The following SLC5A8 variants were observed in gnomAD, a reference collection of about 807,000 sequenced individuals.
SLC5A8 encodes the protein sodium-coupled monocarboxylate transporter 1.
A neutral mutation model predicts 71.9 loss-of-function variants in SLC5A8; 55 were observed. The ratio of observed to expected loss-of-function variants is 0.77; its 90% CI spans 0.62 to 0.96. SLC5A8 has a LOEUF of 0.96. SLC5A8 is among the 40% of genes least tolerant of loss of function. The pLI is 0.00. For missense variants in SLC5A8, 701 were observed against 745.3 expected, an observed-to-expected ratio of 0.94 and a Z score of 0.69; for synonymous variants, 307 against 276.1, an observed-to-expected ratio of 1.11 and a Z score of -1.11.
intron 10 of SLC5A8, among the ~76,000 whole-genome samples, chr12:101,172,573 G>C (rs963329132): frequency 6.6e-6 from 1 of 152,176 alleles, no homozygotes; most frequent in East Asian, 1.9e-4. Flanking sequence ...AGGGAGAGCA[G>C]AGCCCAGTGT....
intron 10 of SLC5A8, 128 bp downstream of exon 10, chr12:101,179,901 A>T: frequency 1.1e-6 from 1 of 904,638 alleles, no homozygotes; most frequent in Non-Finnish European, 1.8e-6. Flanking sequence ...TAAAAAGTGT[A>T]GTCATCCCTG....
chr12:101,193,852 T>C (rs1318256183), intron 4 of SLC5A8, 73 bp from the exon 5 acceptor site: 1 of 1,432,356 alleles, frequency 7.0e-7, no homozygotes. Flanking sequence ...TTATACACTA[T>C]ACTGGAGAAA....
chr12:101,177,437 C>T (rs1286182720), intron 10 of SLC5A8, among the ~76,000 whole-genome samples: 2 of 123,994 alleles, frequency 1.6e-5, no homozygotes, highest in Non-Finnish European at 3.2e-5. Flanking sequence ...AAACCAAAGG[C>T]AGTATATACA....
chr12:101,186,216 G>T (rs971442219), intron 7 of SLC5A8, among the ~76,000 whole-genome samples: 2 of 110,638 alleles, frequency 1.8e-5, no homozygotes, highest in Admixed American at 8.1e-5. Flanking sequence ...CTTTATTAGA[G>T]GGGATGTAAC....
chr12:101,158,971 C>A (rs1435556326), intron 13 of SLC5A8, among the ~76,000 whole-genome samples: 7 of 142,662 alleles, frequency 4.9e-5, no homozygotes, highest in African/African-American at 1.0e-4. Flanking sequence ...AAAAAAAATT[C>A]TATTTTGCTT....
chr12:101,183,982 G>T, intron 8 of SLC5A8, 152 bp downstream of exon 8: 1 of 684,866 alleles, frequency 1.5e-6, no homozygotes, highest in Non-Finnish European at 2.5e-6. Context: ...ACAGAGATAA[G>T]TCAGACCACA....
At chr12:101,166,422 A>G (rs2051770444) in intron 12 of SLC5A8, 72 bp downstream of exon 12, 2 of 1,337,736 alleles carry the variant, frequency 1.5e-6, no homozygotes, top group South Asian at 2.9e-5. Flanking sequence ...AAGCAAGACA[A>G]AAAGCAAGTG....
At chr12:101,187,664 T>C (rs1868716888) in intron 6 of SLC5A8, 149 bp from the exon 7 acceptor site, 1 of 860,232 alleles carries the variant, frequency 1.2e-6, no homozygotes, top group Admixed American at 3.4e-5. Flanking sequence ...ACTTATTTTA[T>C]TCTAGCCTAA....
intron 5 of SLC5A8, among the ~76,000 whole-genome samples, chr12:101,193,280 G>T (rs1036610696): frequency 2.0e-5 from 3 of 152,064 alleles, no homozygotes; most frequent in Non-Finnish European, 4.4e-5. Context: ...GCCAGAAGCT[G>T]CCTTTTCTTA....
At position 101,159,728 on chromosome 12, in the gene SLC5A8, T is replaced by C. The variant is rs1455944006; in HGVS notation, c.1631-1400A>G. Among the ~76,000 whole-genome samples, 3 of 152,280 alleles carry C rather than the reference T, an allele frequency of 2.0e-5. No homozygotes were observed. The East Asian group carries it at 5.8e-4, about 29-fold the overall frequency. ...TATATGGTTTTTCAGAATCAAAGCA[T>C]TTAAAAGAAAAAAAGGAGTATTCAA... On this transcript the variant is annotated intron_variant, in intron 13 of 14. Coordinates refer to ENST00000536262, the MANE Select transcript of SLC5A8 (RefSeq NM_145913.5).
intron 9 of SLC5A8, among the ~76,000 whole-genome samples, chr12:101,182,511 G>C (rs188253194): frequency 6.6e-6 from 1 of 152,132 alleles, no homozygotes; most frequent in African/African-American, 2.4e-5. Context: ...ATTTAGGATA[G>C]GATGAAGGCA....
At chr12:101,178,407 T>C (rs1007830562) in intron 10 of SLC5A8, among the ~76,000 whole-genome samples, 2 of 152,172 alleles carry the variant, frequency 1.3e-5, no homozygotes, top group Non-Finnish European at 2.9e-5. Flanking sequence ...AAACTTATTT[T>C]AAAGCTGCAG....
rs61738792 is a variant in SLC5A8, at chr12:101,209,765, G to A, written c.84C>T (p.Ile28=). Residue 28 remains isoleucine (I), a synonymous_variant, in exon 1 of 15, where the codon ATC becomes ATT. Coordinates refer to ENST00000536262, the MANE Select transcript of SLC5A8 (RefSeq NM_145913.5). ...CCCCAGCGAAGGCGTAGTAGATGCCGATGGCGGCCGAGATGACCAGCATGC... is the reference window on the plus strand; with the variant it reads ...CCCCAGCGAAGGCGTAGTAGATGCCAATGGCGGCCGAGATGACCAGCATGC... ...FAGMLVISAA[I]GIYYAFAGGG... The A allele has an allele frequency of 4.9e-3, 7,843 of 1,611,118 alleles. 35 individuals carry two copies. Among genetic ancestry groups the A allele is most frequent in the Non-Finnish European group, 5.8e-3 (6,779 of 1,178,800 alleles).
intron 8 of SLC5A8, among the ~76,000 whole-genome samples, chr12:101,183,226 T>C (rs1365721048): frequency 1.3e-5 from 2 of 152,016 alleles, no homozygotes; most frequent in Non-Finnish European, 2.9e-5. Context: ...TTTGTATTTT[T>C]AGTAGAGACA....
intron 10 of SLC5A8, among the ~76,000 whole-genome samples, chr12:101,169,861 C>T (rs2051811649): frequency 6.6e-6 from 1 of 152,122 alleles, no homozygotes; most frequent in African/African-American, 2.4e-5. Context: ...GAATTACAGG[C>T]TATTCAGTAA....
intron 3 of SLC5A8, among the ~76,000 whole-genome samples, chr12:101,200,906 A>C (rs895735224): frequency 2.2e-4 from 33 of 152,180 alleles, no homozygotes; most frequent in African/African-American, 8.0e-4. Flanking sequence ...CAGTTAAATA[A>C]GCTTTTTTGA....
At chr12:101,206,773 A>T (rs1001241790) in intron 1 of SLC5A8, among the ~76,000 whole-genome samples, 1 of 152,264 alleles carries the variant, frequency 6.6e-6, no homozygotes, top group Non-Finnish European at 1.5e-5. Flanking sequence ...AGGTCTAAGC[A>T]ACTCAATTTA....
At position 101,201,820 on chromosome 12, in the gene SLC5A8, G is replaced by C. The variant is rs1869465431; in HGVS notation, c.469+344C>G. On this transcript the variant is annotated intron_variant, in intron 3 of 14. Coordinates refer to ENST00000536262, the MANE Select transcript of SLC5A8 (RefSeq NM_145913.5). ...AGCAGAATTACAGGGAAGCTTCCTG[G>C]AGATGGGCTCCAGGTTATAGATTCA... 2.0e-5 allele frequency among the ~76,000 whole-genome samples: 3 copies of C among 152,136 alleles called. No individual in the cohort carries two copies. The South Asian group carries it at 6.2e-4, about 32-fold the overall frequency.
intron 3 of SLC5A8, among the ~76,000 whole-genome samples, chr12:101,196,568 T>G (rs943342680): frequency 6.6e-6 from 1 of 151,976 alleles, no homozygotes; most frequent in Non-Finnish European, 1.5e-5. Context: ...AAAAAACTCC[T>G]CAAAATCAAT....
Sources: gnomAD v4.1 joint callset for allele counts (sites outside exome capture counted in the v4.1 genomes callset) on GRCh38, gnomAD v4.1.1 for gene constraint, MANE v1.5 for transcripts, NCBI Gene and HGNC (gene_info 2026-07-23, HGNC 2026-07-21) for gene names.